The following PPM1E variants were observed in gnomAD, a reference collection of about 807,000 sequenced individuals.
PPM1E encodes protein phosphatase, Mg2+/Mn2+ dependent 1E.
PPM1E carries 20 observed loss-of-function variants against 65.9 expected under a neutral mutation model. That is an observed-to-expected ratio of 0.30 (90% CI 0.21 to 0.44). The LOEUF (loss-of-function observed/expected upper bound fraction) is 0.44, where lower values mean the gene tolerates loss of function less well. PPM1E is among the 20% of genes least tolerant of loss of function. PPM1E has a pLI of 1.00. For synonymous variants in PPM1E, 352 were observed against 374.9 expected (o/e 0.94, Z 0.70); for missense variants, 713 against 953.1 (o/e 0.75, Z 3.32).
At chr17:58,785,490 A>ATATATATATATATATATATATATATAT (rs6146107) in intron 1 of PPM1E, 5 of 134,544 alleles carry the variant, frequency 3.7e-5, no homozygotes, top group South Asian at 2.3e-4. Flanking sequence ...ATATATATAT[A>ATATATATATATATATATATATATATAT]GTAGAACCAG....
At chr17:58,797,363 C>G (rs886715575) in intron 1 of PPM1E, among the ~76,000 whole-genome samples, 4 of 152,156 alleles carry the variant, frequency 2.6e-5, no homozygotes, top group Non-Finnish European at 5.9e-5. Context: ...TCTTCACACC[C>G]TTTCCCAGTC....
chr17:58,858,402 T>A (rs1370190973), intron 1 of PPM1E, among the ~76,000 whole-genome samples: 2 of 152,162 alleles, frequency 1.3e-5, no homozygotes, highest in Non-Finnish European at 2.9e-5. Context: ...CAGTAGAACT[T>A]ACTCCTTCTA....
intron 2 of PPM1E, among the ~76,000 whole-genome samples, chr17:58,959,544 A>G (rs2029964991): frequency 6.7e-6 from 1 of 149,574 alleles, no homozygotes; most frequent in Non-Finnish European, 1.5e-5. Flanking sequence ...GCTTGCAGTG[A>G]GCTGAGATCA....
At chr17:58,808,684 A>G (rs1358467484) in intron 1 of PPM1E, among the ~76,000 whole-genome samples, 1 of 152,152 alleles carries the variant, frequency 6.6e-6, no homozygotes, top group Non-Finnish European at 1.5e-5. Flanking sequence ...TTATGTGTAC[A>G]GTTCAGTGAT....
chr17:58,881,996 C>CAAA (rs58449667), intron 1 of PPM1E, among the ~76,000 whole-genome samples: 259 of 61,684 alleles, frequency 4.2e-3, no homozygotes, highest in Non-Finnish European at 4.7e-3. Context: ...CCTGTCTCTA[C>CAAA]AAAAAAAAAA....
In PPM1E at chr17:58,982,809, T is replaced by C. The variant is rs975533185; in HGVS notation, c.*1778T>C. 8 of 1,148,578 alleles carry C rather than the reference T, an allele frequency of 7.0e-6. No individual in the cohort carries two copies. The African/African-American group carries it at 9.3e-5, about 13-fold the overall frequency. 71.1% of individuals were successfully genotyped at this position (1,148,578 alleles called of 1,614,324 possible). A position where few individuals can be genotyped will look rare whatever the true frequency, so the allele number is the denominator to read the frequency against. On this transcript the variant is annotated 3_prime_UTR_variant, in exon 7 of 7. Coordinates refer to ENST00000308249, the MANE Select transcript of PPM1E (RefSeq NM_014906.5). ...GGCCCCAACTATAGTGCCGGAACCT[T>C]TTCATCATTCTGAGGCTTTGCCCCA...
At chr17:58,905,472 TTTTC>T (rs1567870832) in intron 1 of PPM1E, among the ~76,000 whole-genome samples, 1 of 152,102 alleles carries the variant, frequency 6.6e-6, no homozygotes, top group Non-Finnish European at 1.5e-5. Flanking sequence ...ATCATGTAAT[TTTTC>T]TTTTTTAGCC....
intron 1 of PPM1E, among the ~76,000 whole-genome samples, chr17:58,891,459 G>C (rs1315846002): frequency 6.6e-6 from 1 of 151,802 alleles, no homozygotes; most frequent in Non-Finnish European, 1.5e-5. Context: ...AGTAGCTGGG[G>C]TTACAGGTGC....
chr17:58,982,042 T>C lies in PPM1E; in HGVS notation c.*1011T>C, dbSNP rs745571069. 6.6e-6 allele frequency: 1 copy of C among 152,636 alleles called. No homozygotes were observed. The highest frequency in any genetic ancestry group is 1.5e-5 in the Non-Finnish European group (1 of 68,032). The allele number at this position is 152,636 out of a possible 1,614,324, so 9.5% of individuals were successfully genotyped here. ...GCTACTTTTATCTTCTCTAAAATTATTTCCCCCAAGGTAGTGAAGTAATTG... is the reference window on the plus strand; with the variant it reads ...GCTACTTTTATCTTCTCTAAAATTACTTCCCCCAAGGTAGTGAAGTAATTG... On this transcript the variant is annotated 3_prime_UTR_variant, in exon 7 of 7. Transcript: ENST00000308249.
intron 1 of PPM1E, among the ~76,000 whole-genome samples, chr17:58,843,932 T>TA (rs2050746293): frequency 6.6e-6 from 1 of 152,226 alleles, no homozygotes; most frequent in South Asian, 2.1e-4. Flanking sequence ...GCATACAATG[T>TA]AAACAAATAT....
At chr17:58,883,953 T>C (rs1445285616) in intron 1 of PPM1E, among the ~76,000 whole-genome samples, 1 of 151,948 alleles carries the variant, frequency 6.6e-6, no homozygotes, top group African/African-American at 2.4e-5. Context: ...AAAATAAAAA[T>C]AAAAAATTCT....
chr17:58,857,048 A>G (rs2050890458), intron 1 of PPM1E, among the ~76,000 whole-genome samples: 1 of 152,120 alleles, frequency 6.6e-6, no homozygotes, highest in Non-Finnish European at 1.5e-5. Flanking sequence ...TTTTTGCCCC[A>G]TTTGCTTTAT....
chr17:58,969,759 A>C, intron 4 of PPM1E, 32 bp downstream of exon 4: 1 of 1,606,350 alleles, frequency 6.2e-7, no homozygotes, highest in Non-Finnish European at 8.5e-7. Flanking sequence ...TCCAGCTAGA[A>C]ATGTACTAGC....
intron 1 of PPM1E, among the ~76,000 whole-genome samples, chr17:58,950,013 GC>G (rs2143628535): frequency 6.6e-6 from 1 of 152,168 alleles, no homozygotes; most frequent in South Asian, 2.1e-4. Flanking sequence ...ATGACTTGAT[GC>G]TTTTCTTTTG....
chr17:58,858,914 C>T lies in PPM1E; in HGVS notation c.465-96735C>T, dbSNP rs549533634. Among the ~76,000 whole-genome samples the T allele has an allele frequency of 2.6e-5, 4 of 152,318 alleles. No individual in the cohort carries two copies. The South Asian group carries it at 8.3e-4, about 32-fold the overall frequency. ...TTTGAGGAACCTCCATATTGTTCTCCAGATTGGCTGAAAAGCCATTACATT... is the reference window on the plus strand; with the variant it reads ...TTTGAGGAACCTCCATATTGTTCTCTAGATTGGCTGAAAAGCCATTACATT... On this transcript the variant is annotated intron_variant, in intron 1 of 6. Transcript: ENST00000308249.
chr17:58,805,961 C>CAAAAAAAAAAAAA (rs71367632), intron 1 of PPM1E, among the ~76,000 whole-genome samples: 9 of 69,702 alleles, frequency 1.3e-4, no homozygotes, highest in East Asian at 1.2e-3. Context: ...AAAAAAAAAA[C>CAAAAAAAAAAAAA]AAAAAAAAAA....
At chr17:58,874,801 G>C (rs2051110897) in intron 1 of PPM1E, among the ~76,000 whole-genome samples, 1 of 152,050 alleles carries the variant, frequency 6.6e-6, no homozygotes. Flanking sequence ...TTTCTATAGA[G>C]GAAATTTGTT....
rs2049752993 is a variant in PPM1E at position 58,755,897 on chromosome 17, G to C, written c.-101G>C. The C allele has an allele frequency of 6.5e-7, 1 of 1,539,628 alleles. No homozygotes were observed. The highest frequency in any genetic ancestry group is 8.7e-7 in the Non-Finnish European group (1 of 1,145,018). Reference sequence around the variant, plus strand: ...GCTGATCGCTCGTGCCGGTGCGGCCGTTAACCGCCCTTGCCGGAGCCCTAG... The same window carrying C: ...GCTGATCGCTCGTGCCGGTGCGGCCCTTAACCGCCCTTGCCGGAGCCCTAG... On this transcript the variant is annotated 5_prime_UTR_variant, in exon 1 of 7. Coordinates refer to ENST00000308249, the MANE Select transcript of PPM1E (RefSeq NM_014906.5).
At chr17:58,936,499 A>G (rs1288862190) in intron 1 of PPM1E, among the ~76,000 whole-genome samples, 1 of 152,206 alleles carries the variant, frequency 6.6e-6, no homozygotes, top group Non-Finnish European at 1.5e-5. Context: ...TAGCAATGCT[A>G]TGCCAAGACT....
Sources: allele counts gnomAD v4.1 joint callset (sites outside exome capture counted in the v4.1 genomes callset), GRCh38; gene constraint gnomAD v4.1.1; transcripts MANE v1.5; gene names NCBI Gene and HGNC (gene_info 2026-07-23, HGNC 2026-07-21).